PKM: variants seen among roughly 807,000 people sequenced by gnomAD.
The protein encoded by PKM is pyruvate kinase PKM.
A neutral mutation model predicts 49.8 loss-of-function variants in PKM; 18 were observed. The observed-to-expected ratio is 0.36, with a 90% CI of 0.25 to 0.54. The LOEUF is 0.54. Ranked by LOEUF, PKM falls within the 20% of genes least tolerant of loss-of-function variation. PKM has a pLI of 0.89. For missense variants in PKM, 508 were observed against 713.8 expected, an observed-to-expected ratio of 0.71 and a Z score of 3.28; for synonymous variants, 239 against 261.8, an observed-to-expected ratio of 0.91 and a Z score of 0.84.
chr15:72,207,832 G>A (rs1398271959), intron 6 of PKM, among the ~76,000 whole-genome samples: 2 of 152,066 alleles, frequency 1.3e-5, no homozygotes, highest in Non-Finnish European at 2.9e-5. Context: ...AAATTGCCTG[G>A]TACAGAGGAT....
At chr15:72,204,004 G>T (rs1003475812) in intron 8 of PKM, 1 of 152,238 alleles carries the variant, frequency 6.6e-6, no homozygotes, top group African/African-American at 2.4e-5. Context: ...CAGCATCTCA[G>T]TAAATGATGG....
chr15:72,226,942 A>G (rs1233707812), intron 1 of PKM, among the ~76,000 whole-genome samples: 3 of 152,240 alleles, frequency 2.0e-5, no homozygotes, highest in Non-Finnish European at 4.4e-5. Context: ...GGGGCCCTAA[A>G]GCACCCAACT....
chr15:72,221,162 T>A, intron 1 of PKM: 2 of 1,490,138 alleles, frequency 1.3e-6, no homozygotes, highest in Non-Finnish European at 1.8e-6. Flanking sequence ...GAATATCAGG[T>A]CATACCTTTG....
At chr15:72,224,601 G>A (rs1257454541) in intron 1 of PKM, among the ~76,000 whole-genome samples, 3 of 152,058 alleles carry the variant, frequency 2.0e-5, no homozygotes, top group Non-Finnish European at 4.4e-5. Context: ...GTTGGCTCAC[G>A]CCTGTAATCC....
chr15:72,230,373 A>G (rs1014110493), intron 1 of PKM, among the ~76,000 whole-genome samples: 2 of 152,118 alleles, frequency 1.3e-5, no homozygotes, highest in African/African-American at 2.4e-5. Flanking sequence ...GGGCCTCAGC[A>G]CCGCCCGAGC....
At chr15:72,206,386 C>T (rs1048395274) in intron 8 of PKM, 2 of 329,666 alleles carry the variant, frequency 6.1e-6, no homozygotes, top group Non-Finnish European at 1.2e-5. Flanking sequence ...GGAAGAGGTA[C>T]AAGACCTCCT....
chr15:72,215,969 T>C (rs1411292860), intron 3 of PKM, among the ~76,000 whole-genome samples: 1 of 152,196 alleles, frequency 6.6e-6, no homozygotes, highest in African/African-American at 2.4e-5. Context: ...ACATGGTATG[T>C]CTGCTGGACT....
intron 2 of PKM, among the ~76,000 whole-genome samples, chr15:72,217,962 A>C (rs2082416552): frequency 6.6e-6 from 1 of 152,250 alleles, no homozygotes; most frequent in Non-Finnish European, 1.5e-5. Flanking sequence ...ATAAACTGGT[A>C]ATTTATAATT....
At chr15:72,208,087 GAGAGTGGAATGGACC>G (rs1359821274) in intron 6 of PKM, among the ~76,000 whole-genome samples, 1 of 152,212 alleles carries the variant, frequency 6.6e-6, no homozygotes, top group Non-Finnish European at 1.5e-5. Flanking sequence ...ATCTTCCTCT[GAGAGTGGAATGGACC>G]ATACCAGAGT....
At chr15:72,225,915 T>C (rs2082655139) in intron 1 of PKM, among the ~76,000 whole-genome samples, 1 of 152,260 alleles carries the variant, frequency 6.6e-6, no homozygotes, top group Admixed American at 6.5e-5. Flanking sequence ...TAAATAAGGC[T>C]GAATTGCTCT....
chr15:72,203,936 A>C (rs2082008617), intron 8 of PKM: 1 of 152,280 alleles, frequency 6.6e-6, no homozygotes, highest in African/African-American at 2.4e-5. Context: ...TCACTTGCTC[A>C]GATAAGACCA....
chr15:72,211,323 T>TC (rs1291501545), intron 3 of PKM, among the ~76,000 whole-genome samples: 3 of 152,104 alleles, frequency 2.0e-5, no homozygotes, highest in African/African-American at 7.2e-5. Context: ...CACCTCGGCC[T>TC]CCCAAAGTGC....
chr15:72,224,313 G>C (rs940762771), intron 1 of PKM, among the ~76,000 whole-genome samples: 2 of 152,030 alleles, frequency 1.3e-5, no homozygotes, highest in Non-Finnish European at 2.9e-5. Flanking sequence ...CCTGATTTAG[G>C]GTCCTCTTAA....
intron 3 of PKM, among the ~76,000 whole-genome samples, chr15:72,214,732 T>C (rs8192400): frequency 0.026 from 3,950 of 152,132 alleles, 100 homozygotes; most frequent in Admixed American, 0.067. Flanking sequence ...GAGGCAGAGG[T>C]TGCAGTGAGC....
chr15:72,218,820 A>C (rs2140745977), intron 2 of PKM, 124 bp downstream of exon 2: 1 of 977,002 alleles, frequency 1.0e-6, no homozygotes, highest in Non-Finnish European at 1.6e-6. Context: ...GAGTCCTTTC[A>C]TAAGAATCTG....
chr15:72,230,187 C>T (rs965585469), intron 1 of PKM, among the ~76,000 whole-genome samples: 2 of 152,192 alleles, frequency 1.3e-5, no homozygotes, highest in African/African-American at 4.8e-5. Context: ...CCCTCGCAGG[C>T]CGCCCATCTA....
intron 1 of PKM, chr15:72,221,167 C>G (rs752306184): frequency 6.6e-7 from 1 of 1,512,004 alleles, no homozygotes; most frequent in African/African-American, 1.4e-5. Flanking sequence ...TCAGGTCATA[C>G]CTTTGGTTCT....
intron 1 of PKM, chr15:72,230,832 C>A: frequency 1.2e-6 from 1 of 809,078 alleles, no homozygotes; most frequent in Non-Finnish European, 1.8e-6. Context: ...AGGATTGGGG[C>A]AGGAGGAAGA....
intron 1 of PKM, among the ~76,000 whole-genome samples, chr15:72,223,236 G>A (rs182096784): frequency 6.6e-6 from 1 of 151,944 alleles, no homozygotes; most frequent in African/African-American, 2.4e-5. Context: ...AAAGATTCAC[G>A]CTTCACTCCA....
Sources: gnomAD v4.1 joint callset for allele counts (sites outside exome capture counted in the v4.1 genomes callset) on GRCh38, gnomAD v4.1.1 for gene constraint, MANE v1.5 for transcripts, NCBI Gene and HGNC (gene_info 2026-07-23, HGNC 2026-07-21) for gene names.